DAAM2: variants seen among roughly 807,000 people sequenced by gnomAD.
DAAM2 encodes disheveled-associated activator of morphogenesis 2.
DAAM2 carries 39 observed loss-of-function variants against 120.7 expected under a neutral mutation model. That is an observed-to-expected ratio of 0.32 (90% CI 0.25 to 0.42). The LOEUF (loss-of-function observed/expected upper bound fraction) is 0.42, where lower values mean the gene tolerates loss of function less well. DAAM2 is among the 10% of genes least tolerant of loss of function. DAAM2 has a pLI of 1.00. For synonymous variants in DAAM2, 488 were observed against 524.9 expected, an observed-to-expected ratio of 0.93 and a Z score of 0.96; for missense variants, 1,283 against 1,401.7, an observed-to-expected ratio of 0.92 and a Z score of 1.35.
intron 19 of DAAM2, 100 bp from the exon 20 acceptor site, chr6:39,896,712 C>A: frequency 1.9e-6 from 2 of 1,045,578 alleles, no homozygotes; most frequent in Non-Finnish European, 2.6e-6. Context: ...CATTTGACAG[C>A]CCCTTTTCTG....
chr6:39,820,833 T>A (rs1207443203), intron 1 of DAAM2: 1 of 152,212 alleles, frequency 6.6e-6, no homozygotes, highest in African/African-American at 2.4e-5. Flanking sequence ...AAGTTCCTAT[T>A]GGGACTAAAT....
At chr6:39,856,042 T>C in intron 1 of DAAM2, 1 of 983,800 alleles carries the variant, frequency 1.0e-6, no homozygotes, top group Non-Finnish European at 1.2e-6. Flanking sequence ...GTGGGGAGGA[T>C]ATGTAAATGC....
chr6:39,883,229 C>A (rs1211100250), intron 14 of DAAM2, among the ~76,000 whole-genome samples: 1 of 151,024 alleles, frequency 6.6e-6, no homozygotes, highest in Non-Finnish European at 1.5e-5. Flanking sequence ...GATCCAGACC[C>A]TAGTGCAAGG....
chr6:39,886,032 G>A (rs1224104492), intron 15 of DAAM2: 1 of 185,762 alleles, frequency 5.4e-6, no homozygotes, highest in Non-Finnish European at 1.1e-5. Context: ...ATTTAGAAAG[G>A]TGAACTCATC....
chr6:39,836,708 C>A (rs1029151035), intron 1 of DAAM2, among the ~76,000 whole-genome samples: 1 of 152,184 alleles, frequency 6.6e-6, no homozygotes, highest in Admixed American at 6.5e-5. Flanking sequence ...TTGAGAACGG[C>A]TGGTTTGGCT....
chr6:39,897,176 A>C lies in DAAM2; in HGVS notation c.2512A>C (p.Asn838His), dbSNP rs199666036. The C allele has an allele frequency of 5.2e-5, 84 of 1,611,598 alleles. No individual in the cohort carries two copies. Among genetic ancestry groups the C allele is most frequent in the Non-Finnish European group, 6.7e-5 (79 of 1,177,932 alleles). The change falls in exon 21 of 25, where the codon AAC (asparagine) becomes CAC (histidine). Residue 838 changes from asparagine to histidine, a missense_variant and splice_region_variant. Physicochemically the swap from Asn to His is moderately conservative, Grantham distance 68. Transcript: ENST00000274867. ...IADTKSSIDRNISLLHYLIMI... is the reference protein window; with the variant it reads ...IADTKSSIDRHISLLHYLIMI... The stretch of plus-strand genomic sequence containing the variant: ...CACTGACCTGACTTTCATCCACAGA[A>C]ACATCTCTCTGCTCCATTACCTGAT...
At chr6:39,830,652 G>A (rs537873863) in intron 1 of DAAM2, among the ~76,000 whole-genome samples, 46 of 152,242 alleles carry the variant, frequency 3.0e-4, no homozygotes, top group East Asian at 2.5e-3. Context: ...AGGATGTGGC[G>A]TGGGACCCAG....
At chr6:39,839,230 C>A (rs775603079) in intron 1 of DAAM2, among the ~76,000 whole-genome samples, 1 of 151,778 alleles carries the variant, frequency 6.6e-6, no homozygotes, top group Non-Finnish European at 1.5e-5. Flanking sequence ...AAAATTCTGG[C>A]GAAAAAAGAG....
At chr6:39,893,238 T>C (rs554244324) in intron 19 of DAAM2, among the ~76,000 whole-genome samples, 11 of 152,318 alleles carry the variant, frequency 7.2e-5, no homozygotes, top group East Asian at 3.9e-4. Context: ...CAGTGGAGGC[T>C]GGGTGCGGTG....
chr6:39,852,875 G>A (rs1158589793), intron 1 of DAAM2, among the ~76,000 whole-genome samples: 1 of 152,224 alleles, frequency 6.6e-6, no homozygotes, highest in East Asian at 1.9e-4. Context: ...TGAGGAATTA[G>A]GGTTCAGATG....
At chr6:39,808,792 C>G (rs1216259934) in intron 1 of DAAM2, among the ~76,000 whole-genome samples, 1 of 152,218 alleles carries the variant, frequency 6.6e-6, no homozygotes, top group South Asian at 2.1e-4. Flanking sequence ...CAGTGAACCC[C>G]TTATCGGGTT....
rs761313960 is a variant in DAAM2 at position 39,865,218 on chromosome 6, A to G, written c.428+144A>G. 6.4e-6 allele frequency: 4 copies of G among 627,722 alleles called. No homozygotes were observed. In the South Asian group the frequency reaches 7.6e-5, roughly 12 times the overall value. The allele number at this position is 627,722 out of a possible 1,614,324, so 38.9% of individuals were successfully genotyped here. A position where few individuals can be genotyped will look rare whatever the true frequency, so the allele number is the denominator to read the frequency against. On this transcript the variant is annotated intron_variant, in intron 5 of 24. Coordinates refer to ENST00000274867, the MANE Select transcript of DAAM2 (RefSeq NM_001201427.2). ...CACCTGACTTCACTTCCCAGCCCCT[A>G]CTCCTCTCCTGGGAGGCTGCCAGGG...
intron 1 of DAAM2, among the ~76,000 whole-genome samples, chr6:39,837,763 A>C (rs1012347238): frequency 7.2e-5 from 11 of 152,122 alleles, no homozygotes; most frequent in African/African-American, 2.7e-4. Context: ...CTGGTCCTGA[A>C]CTTGAGCATG....
At position 39,875,348 on chromosome 6, in the gene DAAM2, A is replaced by T; in HGVS notation, c.1181A>T (p.Tyr394Phe). ...LQMPYKRNGG[Y>F]FQQWQLLDRI... The stretch of plus-strand genomic sequence containing the variant: ...CCCTCAGACAAACGGAACGGTGGCT[A>T]CTTCCAGCAGTGGCAGCTCCTGGAC... Residue 394 changes from tyrosine to phenylalanine, a missense_variant, in exon 11 of 25, where the codon TAC becomes TTC. Transcript: ENST00000274867. The T allele has an allele frequency of 6.2e-7, 1 of 1,613,894 alleles. No individual in the cohort carries two copies. The highest frequency in any genetic ancestry group is 8.5e-7 in the Non-Finnish European group (1 of 1,179,796).
intron 1 of DAAM2, among the ~76,000 whole-genome samples, chr6:39,799,577 A>G (rs1470224715): frequency 1.3e-5 from 2 of 152,162 alleles, no homozygotes; most frequent in African/African-American, 4.8e-5. Context: ...CTTGAGTTAA[A>G]TATTTCTTTT....
chr6:39,802,454 G>T (rs1302675753), intron 1 of DAAM2, among the ~76,000 whole-genome samples: 2 of 151,984 alleles, frequency 1.3e-5, no homozygotes, highest in Non-Finnish European at 2.9e-5. Context: ...TAAAAAAAAA[G>T]AAAAAAGAAA....
intron 16 of DAAM2, 29 bp downstream of exon 16, chr6:39,887,621 G>C (rs1562055692): frequency 2.0e-6 from 3 of 1,509,208 alleles, no homozygotes; most frequent in Non-Finnish European, 2.8e-6. Context: ...GGTTGAGTTG[G>C]ATGCCTGGGG....
intron 1 of DAAM2, among the ~76,000 whole-genome samples, chr6:39,815,988 T>G (rs1762298438): frequency 6.6e-6 from 1 of 152,214 alleles, no homozygotes; most frequent in South Asian, 2.1e-4. Flanking sequence ...GAATGGACCT[T>G]CTACCCTGAT....
chr6:39,823,081 T>TG (rs1471648890), intron 1 of DAAM2: 3 of 152,248 alleles, frequency 2.0e-5, no homozygotes, highest in Non-Finnish European at 2.9e-5. Flanking sequence ...AACCTACTAT[T>TG]GGCATGCGAT....
Sources: gnomAD v4.1 joint callset for allele counts (sites outside exome capture counted in the v4.1 genomes callset) on GRCh38, gnomAD v4.1.1 for gene constraint, MANE v1.5 for transcripts, NCBI Gene and HGNC (gene_info 2026-07-23, HGNC 2026-07-21) for gene names.